Variants in CDH13 observed in about 807,000 individuals in gnomAD.
CDH13 encodes cadherin-13.
Under a neutral mutation model 63.8 loss-of-function variants are expected in CDH13, and 24 were observed. The observed-to-expected ratio is 0.38, with a 90% CI of 0.27 to 0.53. CDH13 has a LOEUF of 0.53. Among genes scored for constraint, CDH13 ranks in the 20% least tolerant of loss-of-function variants. CDH13 has a pLI of 0.85. For missense variants in CDH13, 1,049 were observed against 903.1 expected (o/e 1.16, Z -2.07); for synonymous variants, 503 against 355.3 (o/e 1.42, Z -4.67).
intron 1 of CDH13, among the ~76,000 whole-genome samples, chr16:82,765,603 T>G (rs898624466): frequency 6.6e-5 from 10 of 152,184 alleles, no homozygotes; most frequent in African/African-American, 2.4e-4. Context: ...TCATGTGGCA[T>G]AAAAGAGAAT....
chr16:83,341,884 T>C (rs908450146), intron 5 of CDH13, among the ~76,000 whole-genome samples: 1 of 152,090 alleles, frequency 6.6e-6, no homozygotes, highest in African/African-American at 2.4e-5. Flanking sequence ...TCCATGTGTT[T>C]TGTATGGCTA....
chr16:83,671,415 G>T (rs762010495), intron 9 of CDH13, among the ~76,000 whole-genome samples: 11 of 151,912 alleles, frequency 7.2e-5, no homozygotes, highest in African/African-American at 2.7e-4. Flanking sequence ...TGTCCGGCCA[G>T]TTTTTGTATT....
chr16:83,562,999 C>T (rs894302027), intron 7 of CDH13, among the ~76,000 whole-genome samples: 1 of 152,218 alleles, frequency 6.6e-6, no homozygotes, highest in Non-Finnish European at 1.5e-5. Flanking sequence ...CCTTTTCTCT[C>T]TGGGTGTGTC....
intron 6 of CDH13, among the ~76,000 whole-genome samples, chr16:83,425,050 C>A (rs1326424226): frequency 6.6e-6 from 1 of 152,184 alleles, no homozygotes; most frequent in African/African-American, 2.4e-5. Context: ...GTGGTTCTGG[C>A]ATGCTATCAC....
intron 4 of CDH13, among the ~76,000 whole-genome samples, chr16:83,194,410 G>A (rs1482601447): frequency 1.3e-5 from 2 of 152,156 alleles, no homozygotes; most frequent in African/African-American, 4.8e-5. Flanking sequence ...TCTCCCCATG[G>A]AATGCTGCCT....
chr16:83,039,768 A>C (rs1471674245), intron 3 of CDH13, among the ~76,000 whole-genome samples: 1 of 151,868 alleles, frequency 6.6e-6, no homozygotes, highest in East Asian at 2.0e-4. Flanking sequence ...TCAATACCAA[A>C]TCACTTGTGG....
intron 5 of CDH13, among the ~76,000 whole-genome samples, chr16:83,270,620 G>C (rs551918396): frequency 6.6e-6 from 1 of 152,148 alleles, no homozygotes; most frequent in Admixed American, 6.5e-5. Context: ...TCCTGTATGT[G>C]TGCATGAAGG....
chr16:83,087,840 G>T lies in CDH13; in HGVS notation c.367-37545G>T, dbSNP rs1193852031. Among the ~76,000 whole-genome samples the T allele has an allele frequency of 2.0e-5, 3 of 152,022 alleles. No homozygotes were observed. The East Asian group carries it at 5.8e-4, about 29-fold the overall frequency. ...ATAAAATGGGTGCTAATTACAAATGGGTCTTATGTATGCCCTTGGGTTGTC... is the reference window on the plus strand; with the variant it reads ...ATAAAATGGGTGCTAATTACAAATGTGTCTTATGTATGCCCTTGGGTTGTC... On this transcript the variant is annotated intron_variant, in intron 3 of 13. Coordinates refer to ENST00000567109, the MANE Select transcript of CDH13 (RefSeq NM_001257.5).
intron 5 of CDH13, among the ~76,000 whole-genome samples, chr16:83,229,077 C>G (rs933131300): frequency 6.6e-6 from 1 of 152,054 alleles, no homozygotes; most frequent in Non-Finnish European, 1.5e-5. Context: ...CAGGCCATAC[C>G]GGGCCTCACA....
rs111370214 is a variant in CDH13 at position 83,032,335 on chromosome 16, G to A, written c.366+117G>A. 1.1e-4 allele frequency: 88 copies of A among 776,248 alleles called. 1 individual carries two copies. The highest frequency in any genetic ancestry group is 8.2e-4 in the African/African-American group (47 of 57,224). 48.1% of individuals were successfully genotyped at this position (776,248 alleles called of 1,614,324 possible). On this transcript the variant is annotated intron_variant, in intron 3 of 13. Transcript: ENST00000567109. Reference sequence around the variant, plus strand: ...GGCTAAGATTCCTTTTGTTATTGTTGTTGCAAATGACAGAAATCCAACTCT... The same window carrying A: ...GGCTAAGATTCCTTTTGTTATTGTTATTGCAAATGACAGAAATCCAACTCT...
chr16:83,747,976 C>T, intron 10 of CDH13, 132 bp from the exon 11 acceptor site: 2 of 930,180 alleles, frequency 2.2e-6, no homozygotes, highest in Non-Finnish European at 1.7e-6. Flanking sequence ...GCAACTGTAA[C>T]AGAAATGATG....
At chr16:83,732,142 G>T (rs978909659) in intron 10 of CDH13, among the ~76,000 whole-genome samples, 2 of 152,214 alleles carry the variant, frequency 1.3e-5, no homozygotes, top group African/African-American at 4.8e-5. Flanking sequence ...CTAGTGGGAA[G>T]ACCGGCAATG....
At chr16:82,887,554 C>G (rs769214156) in intron 2 of CDH13, among the ~76,000 whole-genome samples, 1 of 152,176 alleles carries the variant, frequency 6.6e-6, no homozygotes, top group African/African-American at 2.4e-5. Context: ...GGGCCAGTGG[C>G]TCACGCCTGT....
intron 1 of CDH13, among the ~76,000 whole-genome samples, chr16:82,730,501 C>T (rs2151034980): frequency 6.6e-6 from 1 of 152,312 alleles, no homozygotes; most frequent in South Asian, 2.1e-4. Flanking sequence ...CTTGTATGGG[C>T]ATGGTTTGTG....
At chr16:82,910,131 C>A (rs781354060) in intron 2 of CDH13, among the ~76,000 whole-genome samples, 1 of 152,200 alleles carries the variant, frequency 6.6e-6, no homozygotes, top group African/African-American at 2.4e-5. Flanking sequence ...TCTGAGTCAT[C>A]TGTGTCCCTG....
intron 2 of CDH13, among the ~76,000 whole-genome samples, chr16:83,017,022 C>G (rs1431620596): frequency 2.0e-5 from 3 of 152,028 alleles, no homozygotes; most frequent in South Asian, 2.1e-4. Context: ...CTTCAAATCT[C>G]AAGAGTTATT....
intron 3 of CDH13, among the ~76,000 whole-genome samples, chr16:83,094,377 G>A (rs1359657509): frequency 3.3e-5 from 5 of 152,194 alleles, no homozygotes; most frequent in Non-Finnish European, 5.9e-5. Context: ...AAAGATGCAA[G>A]GTTGGATAGA....
chr16:83,734,883 G>C (rs945764573), intron 10 of CDH13, among the ~76,000 whole-genome samples: 4 of 151,798 alleles, frequency 2.6e-5, no homozygotes, highest in African/African-American at 9.7e-5. Flanking sequence ...GTAAGTTTCA[G>C]CTCCTTGATT....
intron 8 of CDH13, among the ~76,000 whole-genome samples, chr16:83,619,246 G>A (rs1206606867): frequency 6.6e-6 from 1 of 152,146 alleles, no homozygotes; most frequent in Non-Finnish European, 1.5e-5. Flanking sequence ...AGTGAACAGG[G>A]TCCCTGACCT....
Sources: gnomAD v4.1 joint callset for allele counts (sites outside exome capture counted in the v4.1 genomes callset) on GRCh38, gnomAD v4.1.1 for gene constraint, MANE v1.5 for transcripts, NCBI Gene and HGNC (gene_info 2026-07-23, HGNC 2026-07-21) for gene names.